Variants in ABHD5 observed in about 807,000 individuals in gnomAD.
ABHD5 encodes 1-acylglycerol-3-phosphate O-acyltransferase ABHD5.
A neutral mutation model predicts 44.9 loss-of-function variants in ABHD5; 30 were observed. The observed-to-expected ratio is 0.67, with a 90% CI of 0.50 to 0.91. The LOEUF is 0.91. Among genes scored for constraint, ABHD5 ranks in the 40% least tolerant of loss-of-function variants. The probability of loss-of-function intolerance (pLI) is 0.00; values close to 1 mark genes in which losing one functional copy is unlikely to be tolerated. For missense variants in ABHD5, 399 were observed against 423.4 expected (o/e 0.94, Z 0.50); for synonymous variants, 167 against 147.0 (o/e 1.14, Z -0.99).
rs945330739 is a variant in ABHD5, at chr3:43,714,927, T to G, written c.662-20T>G. On this transcript the variant is annotated intron_variant, in intron 4 of 6. Transcript: ENST00000644371. ...AACTATAATTTAAAACATGCATTTT[T>G]TAAATTTCCTGTTAAATAGGTTTAA... 1 of 1,565,624 alleles carries G rather than the reference T, an allele frequency of 6.4e-7. No individual in the cohort carries two copies. Among genetic ancestry groups the G allele is most frequent in the African/African-American group, 1.4e-5 (1 of 73,966 alleles).
At chr3:43,727,121 G>A (rs1245761279), downstream of ABHD5, among the ~76,000 whole-genome samples, 1 of 152,148 alleles carries the variant, frequency 6.6e-6, no homozygotes, top group African/African-American at 2.4e-5. Context: ...CTGCATTCTG[G>A]TTCTTGAAGC....
chr3:43,715,838 T>C (rs2084755943), intron 5 of ABHD5, among the ~76,000 whole-genome samples: 1 of 152,218 alleles, frequency 6.6e-6, no homozygotes, highest in African/African-American at 2.4e-5. Context: ...GAACCTTTAC[T>C]ATACCGAAGG....
rs138876970 is a variant in ABHD5, at chr3:43,711,752, C to A, written c.550C>A (p.Arg184=). ...AGTGGAGCCTTGGGGTTTCCCTGAA[C>A]GACCAGACCTTGCTGATCAAGACAG... The part of the protein sequence containing the change: ...ILVEPWGFPE[R]PDLADQDRPI... The change falls in exon 4 of 7, where the codon CGA becomes AGA. Residue 184 remains arginine (R), a synonymous_variant. Transcript: ENST00000644371. 1.5e-5 allele frequency: 24 copies of A among 1,614,030 alleles called. No individual in the cohort carries two copies. The highest frequency in any genetic ancestry group is 2.0e-5 in the Non-Finnish European group (24 of 1,180,028).
rs962581009 is a variant in ABHD5 at position 43,702,492 on chromosome 3, G to A, written c.411G>A (p.Glu137=). The stretch of plus-strand genomic sequence containing the variant: ...ATCAGTTTGTGGAATCCATTGAAGA[G>A]TGGAGATGTGCCCTAGGATTGGACA... ...VENQFVESIE[E]WRCALGLDKM... Residue 137 remains glutamate, a synonymous_variant, in exon 3 of 7, where the codon GAG becomes GAA. Transcript: ENST00000644371. 8 of 1,614,260 alleles carry A rather than the reference G, an allele frequency of 5.0e-6. No homozygotes were observed. The highest frequency in any genetic ancestry group is 5.9e-6 in the Non-Finnish European group (7 of 1,180,048).
chr3:43,702,504 C>T lies in ABHD5; in HGVS notation c.423C>T (p.Ala141=). The T allele has an allele frequency of 6.2e-7, 1 of 1,614,160 alleles. No individual in the cohort carries two copies. Among genetic ancestry groups the T allele is most frequent in the Non-Finnish European group, 8.5e-7 (1 of 1,180,032 alleles). The change falls in exon 3 of 7, where the codon GCC becomes GCT. Residue 141 remains alanine, a synonymous_variant. Transcript: ENST00000644371. ...FVESIEEWRC[A]LGLDKMILLG... Reference sequence around the variant, plus strand: ...AATCCATTGAAGAGTGGAGATGTGCCCTAGGATTGGACAAAATGATCTTGC... The same window carrying T: ...AATCCATTGAAGAGTGGAGATGTGCTCTAGGATTGGACAAAATGATCTTGC...
chr3:43,713,871 G>T (rs954546590), intron 4 of ABHD5, among the ~76,000 whole-genome samples: 2 of 152,062 alleles, frequency 1.3e-5, no homozygotes, highest in Admixed American at 6.5e-5. Context: ...GCACTTGGGG[G>T]TGGGGAGGTG....
intron 7 of ABHD5, among the ~76,000 whole-genome samples, chr3:43,730,593 A>C (rs529838317): frequency 1.4e-5 from 2 of 143,110 alleles, no homozygotes; most frequent in Middle Eastern, 7.8e-3. Flanking sequence ...GCAGCCTTGA[A>C]CTCCTAGGCT....
rs1401256579 is a variant in ABHD5 at position 43,719,705 on chromosome 3, ACTT to A, written c.*1177_*1179del. The stretch of plus-strand genomic sequence containing the variant: ...TTCTTGCAGTTTTAAAATGAGGAAA[ACTT>A]CTTTGAAACTGTGAAATGCTCCATG... On this transcript the variant is annotated 3_prime_UTR_variant, in exon 7 of 7. Transcript: ENST00000644371. 3.3e-5 allele frequency: 5 copies of A among 152,252 alleles called. No individual in the cohort carries two copies. The highest frequency in any genetic ancestry group is 9.6e-5 in the African/African-American group (4 of 41,560). The allele number at this position is 152,252 out of a possible 1,614,324, so 9.4% of individuals were successfully genotyped here. A position where few individuals can be genotyped will look rare whatever the true frequency, so the allele number is the denominator to read the frequency against.
chr3:43,715,858 C>G (rs2084756329), intron 5 of ABHD5, among the ~76,000 whole-genome samples: 1 of 152,176 alleles, frequency 6.6e-6, no homozygotes, highest in African/African-American at 2.4e-5. Flanking sequence ...GGTATTGAAT[C>G]TCCCAAGTGA....
downstream of ABHD5, among the ~76,000 whole-genome samples, chr3:43,726,040 A>G (rs1168016117): frequency 6.6e-6 from 1 of 151,812 alleles, no homozygotes; most frequent in Non-Finnish European, 1.5e-5. Flanking sequence ...TAATTTTTGT[A>G]TTTTTAGTAG....
chr3:43,728,325 T>A (rs1455098159), intron 7 of ABHD5, among the ~76,000 whole-genome samples: 1 of 152,214 alleles, frequency 6.6e-6, no homozygotes, highest in African/African-American at 2.4e-5. Context: ...AGTACCCTAA[T>A]ATTCTGCATC....
rs2084691719 is a variant in ABHD5 at position 43,711,798 on chromosome 3, G to A, written c.596G>A (p.Arg199Lys). 1 of 1,614,224 alleles carries A rather than the reference G, an allele frequency of 6.2e-7. No individual in the cohort carries two copies. Among genetic ancestry groups the A allele is most frequent in the East Asian group, 2.2e-5 (1 of 44,884 alleles). ...DQDRPIPVWI[R>K]ALGAALTPFN... ...GACAGACCAATTCCAGTTTGGATCA[G>A]AGCCTTGGGAGCAGCATTGACTCCC... Residue 199 changes from arginine (R) to lysine (K), a missense_variant, in exon 4 of 7, where the codon AGA (arginine) becomes AAA (lysine). Transcript: ENST00000644371.
intron 6 of ABHD5, among the ~76,000 whole-genome samples, 171 bp from the exon 7 acceptor site, chr3:43,718,272 T>C (rs1016301133): frequency 3.9e-5 from 6 of 152,250 alleles, no homozygotes; most frequent in African/African-American, 9.6e-5. Flanking sequence ...TCTCAGATCC[T>C]TTTAATGGAT....
chr3:43,703,210 C>T (rs1191275180), intron 3 of ABHD5, among the ~76,000 whole-genome samples: 5 of 149,030 alleles, frequency 3.4e-5, no homozygotes, highest in African/African-American at 5.0e-5. Context: ...GATAGAAGCT[C>T]GCTCTGTCAC....
At position 43,711,844 on chromosome 3, in the gene ABHD5, A is replaced by C; in HGVS notation, c.642A>C (p.Leu214=). The C allele has an allele frequency of 6.2e-7, 1 of 1,614,206 alleles. No homozygotes were observed. The change falls in exon 4 of 7, where the codon CTA becomes CTC. Residue 214 remains leucine (L), a synonymous_variant. Transcript: ENST00000644371. ...CTCCCTTTAACCCTTTAGCTGGCCTAAGGATTGCAGGACCCTTTGGTGAGT... is the reference window on the plus strand; with the variant it reads ...CTCCCTTTAACCCTTTAGCTGGCCTCAGGATTGCAGGACCCTTTGGTGAGT... ...ALTPFNPLAG[L]RIAGPFGLSL...
At chr3:43,732,526 TC>T (rs1331855796) in intron 7 of ABHD5, among the ~76,000 whole-genome samples, 3 of 152,132 alleles carry the variant, frequency 2.0e-5, no homozygotes, top group Non-Finnish European at 4.4e-5. Flanking sequence ...AAAGAGATGG[TC>T]AAGAAGTAAG....
rs916560313 is a variant in ABHD5 at position 43,719,834 on chromosome 3, G to C, written c.*1302G>C. ...TCTTTCGCTAACGTTGCTTGTCTAG[G>C]AGAAAGGTAGCTATGTAAATAAAAA... On this transcript the variant is annotated 3_prime_UTR_variant, in exon 7 of 7. Coordinates refer to ENST00000644371, the MANE Select transcript of ABHD5 (RefSeq NM_016006.6). 3.9e-5 allele frequency: 6 copies of C among 152,172 alleles called. No homozygotes were observed. The highest frequency in any genetic ancestry group is 1.4e-4 in the African/African-American group (6 of 41,406). The allele number at this position is 152,172 out of a possible 1,614,324, so 9.4% of individuals were successfully genotyped here.
intron 3 of ABHD5, among the ~76,000 whole-genome samples, chr3:43,711,072 G>A (rs1013945578): frequency 3.3e-5 from 5 of 152,192 alleles, no homozygotes; most frequent in African/African-American, 7.2e-5. Context: ...TCAGTATAGC[G>A]TGATATCATG....
At chr3:43,722,872 C>T (rs906104323), downstream of ABHD5, 7 of 152,234 alleles carry the variant, frequency 4.6e-5, no homozygotes, top group East Asian at 1.9e-4. Context: ...AATAAAGAAT[C>T]GTATGATTTA....
Sources: gnomAD v4.1 joint callset for allele counts (sites outside exome capture counted in the v4.1 genomes callset) on GRCh38, gnomAD v4.1.1 for gene constraint, MANE v1.5 for transcripts, NCBI Gene and HGNC (gene_info 2026-07-23, HGNC 2026-07-21) for gene names.